PTPRS: variants seen among roughly 807,000 people sequenced by gnomAD.
The protein encoded by PTPRS is receptor-type tyrosine-protein phosphatase S.
In PTPRS, 63 loss-of-function variants were observed where a neutral mutation model predicts 215.3. That is an observed-to-expected ratio of 0.29 (90% CI 0.24 to 0.36). PTPRS has a LOEUF of 0.36. Ranked by LOEUF, PTPRS falls within the 10% of genes least tolerant of loss-of-function variation. PTPRS has a pLI of 1.00. For missense variants in PTPRS, 2,258 were observed against 2,825.8 expected (o/e 0.80, Z 4.56); for synonymous variants, 1,404 against 1,191.4 (o/e 1.18, Z -3.68).
chr19:5,232,465 CA>C (rs1419617519), intron 13 of PTPRS, among the ~76,000 whole-genome samples: 1 of 151,932 alleles, frequency 6.6e-6, no homozygotes, highest in Non-Finnish European at 1.5e-5. Flanking sequence ...TACTATGTAC[CA>C]GGCACCATGC....
At chr19:5,258,819 C>G (rs921642394) in intron 7 of PTPRS, among the ~76,000 whole-genome samples, 2 of 152,174 alleles carry the variant, frequency 1.3e-5, no homozygotes, top group Non-Finnish European at 2.9e-5. Flanking sequence ...TGGATCCAAG[C>G]CTTCTGGCCT....
chr19:5,221,056 A>G lies in PTPRS; in HGVS notation c.3399T>C (p.Asp1133=). 2 of 1,613,872 alleles carry G rather than the reference A, an allele frequency of 1.2e-6. No homozygotes were observed. The highest frequency in any genetic ancestry group is 1.3e-5 in the African/African-American group (1 of 75,034). Residue 1133 remains aspartate, a synonymous_variant, in exon 20 of 38, where the codon GAT becomes GAC. Transcript: ENST00000262963. ...NGKPSVAPKP[D]ADGFIMVYLP... ...GATACACCATGATGAAGCCGTCAGCATCAGGCTTGGGGGCGACGCTGGGCT... is the reference window on the plus strand; with the variant it reads ...GATACACCATGATGAAGCCGTCAGCGTCAGGCTTGGGGGCGACGCTGGGCT...
In PTPRS at chr19:5,221,053, A is replaced by T; in HGVS notation, c.3402T>A (p.Ala1134=). Residue 1134 remains alanine (A), a synonymous_variant, in exon 20 of 38, where the codon GCT becomes GCA. Coordinates refer to ENST00000262963, the MANE Select transcript of PTPRS (RefSeq NM_002850.4). ...GKPSVAPKPD[A]DGFIMVYLPD... ...GAAGATACACCATGATGAAGCCGTC[A>T]GCATCAGGCTTGGGGGCGACGCTGG... The T allele has an allele frequency of 6.2e-7, 1 of 1,613,808 alleles. No homozygotes were observed. Among genetic ancestry groups the T allele is most frequent in the Non-Finnish European group, 8.5e-7 (1 of 1,179,934 alleles).
intron 1 of PTPRS, among the ~76,000 whole-genome samples, chr19:5,302,660 G>C (rs1297595086): frequency 1.3e-5 from 2 of 152,186 alleles, no homozygotes; most frequent in Non-Finnish European, 1.5e-5. Flanking sequence ...GTTAGGAGCT[G>C]AAAGGGAGTC....
chr19:5,206,144 C>T lies in PTPRS; in HGVS notation c.*630G>A, dbSNP rs773529868. On this transcript the variant is annotated 3_prime_UTR_variant, in exon 38 of 38. Transcript: ENST00000262963. ...TGCGAACGTAACTATCACACAAGGACGCTTTCTACAGTGAAAAAATAGACT... is the reference window on the plus strand; with the variant it reads ...TGCGAACGTAACTATCACACAAGGATGCTTTCTACAGTGAAAAAATAGACT... Among the ~76,000 whole-genome samples the T allele has an allele frequency of 1.4e-5, 2 of 147,960 alleles. No individual in the cohort carries two copies. Among genetic ancestry groups the T allele is most frequent in the African/African-American group, 5.0e-5 (2 of 39,738 alleles).
chr19:5,211,837 A>C, intron 32 of PTPRS, 69 bp from the exon 33 acceptor site: 1 of 1,588,924 alleles, frequency 6.3e-7, no homozygotes, highest in Middle Eastern at 1.7e-4. Context: ...TGGAGCACCA[A>C]TGGTGGATAG....
chr19:5,327,730 A>AGCTG (rs1161554332), intron 1 of PTPRS, among the ~76,000 whole-genome samples: 1 of 152,178 alleles, frequency 6.6e-6, no homozygotes, highest in East Asian at 1.9e-4. Context: ...CCTCCTGAGT[A>AGCTG]GCTGGGATTA....
At chr19:5,233,088 G>A (rs962797673) in intron 13 of PTPRS, among the ~76,000 whole-genome samples, 2 of 152,006 alleles carry the variant, frequency 1.3e-5, no homozygotes, top group Non-Finnish European at 2.9e-5. Flanking sequence ...CAGGAACCAT[G>A]CCAAGGGGAA....
chr19:5,302,646 A>C (rs917221484), intron 1 of PTPRS, among the ~76,000 whole-genome samples: 12 of 152,102 alleles, frequency 7.9e-5, no homozygotes, highest in African/African-American at 2.9e-4. Context: ...TTCTTCCCTG[A>C]CGTGTTAGGA....
chr19:5,224,632 A>G (rs1407864228), intron 17 of PTPRS, among the ~76,000 whole-genome samples: 1 of 152,152 alleles, frequency 6.6e-6, no homozygotes, highest in East Asian at 1.9e-4. Flanking sequence ...TGCTATGAAT[A>G]CCCAGGGTGG....
intron 1 of PTPRS, among the ~76,000 whole-genome samples, chr19:5,335,292 T>C (rs2050458984): frequency 6.6e-6 from 1 of 152,152 alleles, no homozygotes; most frequent in South Asian, 2.1e-4. Context: ...GCATCTCATG[T>C]CAAGGCTCGC....
rs769356218 is a variant in PTPRS, at chr19:5,239,054, T to G, written c.1714A>C (p.Thr572Pro). The G allele has an allele frequency of 2.5e-5, 41 of 1,608,702 alleles. No individual in the cohort carries two copies. The highest frequency in any genetic ancestry group is 3.5e-5 in the Non-Finnish European group (41 of 1,178,714). The change falls in exon 13 of 38, where the codon ACC becomes CCC. Residue 572 changes from threonine to proline, a missense_variant. Transcript: ENST00000262963. ...EGDHGREVGR[T>P]FDPTTSYVVE... The stretch of plus-strand genomic sequence containing the variant: ...ACGTAGGAAGTCGTCGGGTCGAAGG[T>G]CCTTCCCACCTGGGGGCAGGGCAGA...
intron 9 of PTPRS, among the ~76,000 whole-genome samples, chr19:5,247,425 G>C (rs2044600200): frequency 6.6e-6 from 1 of 152,126 alleles, no homozygotes; most frequent in African/African-American, 2.4e-5. Context: ...AACTTGCAAA[G>C]AGCACTGCTG....
At position 5,293,983 on chromosome 19, in the gene PTPRS, T is replaced by C. The variant is rs1268600797; in HGVS notation, c.-94-7749A>G. On this transcript the variant is annotated intron_variant, in intron 1 of 37. Transcript: ENST00000262963. This position sits in a 1 kb window ranked among gnomAD's most constrained non-coding sequence, Gnocchi z 8.4. The stretch of plus-strand genomic sequence containing the variant: ...TCCGGGCGGCCAATCCGAGCCAGCG[T>C]TGCGCCCGGGGTGCGGGTTTGAAAA... Among the ~76,000 whole-genome samples the C allele has an allele frequency of 1.3e-5, 2 of 152,080 alleles. No individual in the cohort carries two copies. Among genetic ancestry groups the C allele is most frequent in the Non-Finnish European group, 2.9e-5 (2 of 67,994 alleles).
At chr19:5,268,853 G>A (rs562895301) in intron 4 of PTPRS, among the ~76,000 whole-genome samples, 5 of 152,226 alleles carry the variant, frequency 3.3e-5, no homozygotes, top group African/African-American at 4.8e-5. Flanking sequence ...GAGCAGGACC[G>A]GCTGCAAAAG....
chr19:5,229,751 G>A, intron 14 of PTPRS, 67 bp from the exon 15 acceptor site: 2 of 1,001,374 alleles, frequency 2.0e-6, no homozygotes, highest in Non-Finnish European at 2.6e-6. Flanking sequence ...CCTGCCCCGG[G>A]CAGTGCCACT....
At chr19:5,302,196 C>G (rs1336635271) in intron 1 of PTPRS, among the ~76,000 whole-genome samples, 1 of 151,914 alleles carries the variant, frequency 6.6e-6, no homozygotes, top group Non-Finnish European at 1.5e-5. Flanking sequence ...AGACCCCCGT[C>G]TCTAAAAAAA....
intron 1 of PTPRS, chr19:5,292,793 C>T (rs1446967446): frequency 2.0e-5 from 3 of 152,310 alleles, no homozygotes; most frequent in Non-Finnish European, 4.4e-5. Flanking sequence ...CACAGCTCCC[C>T]CGGGCTGGCA....
intron 9 of PTPRS, among the ~76,000 whole-genome samples, chr19:5,252,329 C>T (rs1361105579): frequency 1.3e-5 from 2 of 152,150 alleles, no homozygotes; most frequent in African/African-American, 4.8e-5. Flanking sequence ...GCAATCCCAG[C>T]ACTTTGGGAG....
Sources: allele counts gnomAD v4.1 joint callset (sites outside exome capture counted in the v4.1 genomes callset), GRCh38; gene constraint gnomAD v4.1.1; non-coding constraint Gnocchi (gnomAD v3.1); transcripts MANE v1.5; gene names NCBI Gene and HGNC (gene_info 2026-07-23, HGNC 2026-07-21).